The following ACACB variants were observed in gnomAD, a reference collection of about 807,000 sequenced individuals.
ACACB encodes the protein acetyl-CoA carboxylase beta.
ACACB carries 209 observed loss-of-function variants against 278.8 expected under a neutral mutation model. That is an observed-to-expected ratio of 0.75 (90% CI 0.67 to 0.84). ACACB has a LOEUF of 0.84. Ranked by LOEUF, ACACB falls within the 40% of genes least tolerant of loss-of-function variation. The probability of loss-of-function intolerance (pLI) is 0.00; values close to 1 mark genes in which losing one functional copy is unlikely to be tolerated. For synonymous variants in ACACB, 1,174 were observed against 1,285.6 expected (o/e 0.91, Z 1.86); for missense variants, 2,850 against 3,269.0 (o/e 0.87, Z 3.13).
chr12:109,204,599 A>G lies in ACACB; in HGVS notation c.2914-2111A>G, dbSNP rs141898088. Among the ~76,000 whole-genome samples, 960 of 151,896 alleles carry G rather than the reference A, an allele frequency of 6.3e-3. 12 individuals are homozygous for G. The highest frequency in any genetic ancestry group is 0.01 in the Middle Eastern group (3 of 292). ...CTCAATACTAGATCTTATTCATTCT[A>G]TCTAACTGGATTTTTGTACCCGTTA... is the stretch of plus-strand genomic sequence containing the variant. On this transcript the variant is annotated intron_variant, in intron 19 of 52. Coordinates refer to ENST00000338432, the MANE Select transcript of ACACB (RefSeq NM_001093.4).
chr12:109,128,760 T>A lies in ACACB; in HGVS notation c.-9-10637T>A, dbSNP rs1394941810. On this transcript the variant is annotated intron_variant, in intron 1 of 52. Transcript: ENST00000338432. ...AGTACTTTTGTTGCTTTCTTTTTTTTTTTTTTAAAGCAATAATAGATGGAC... is the reference window on the plus strand; with the variant it reads ...AGTACTTTTGTTGCTTTCTTTTTTTATTTTTTAAAGCAATAATAGATGGAC... Among the ~76,000 whole-genome samples the A allele has an allele frequency of 4.6e-5, 7 of 152,130 alleles. No homozygotes were observed. In the South Asian group the frequency reaches 8.3e-4, roughly 18 times the overall value.
At position 109,229,760 on chromosome 12, in the gene ACACB, T is replaced by C. The variant is rs373176830; in HGVS notation, c.4001+2271T>C. On this transcript the variant is annotated intron_variant, in intron 28 of 52. Transcript: ENST00000338432. ...ATTGACCAGGTTGGTCTGGAACTCC[T>C]AACCTCAAATGATCTGTCCACCTCA... Among the ~76,000 whole-genome samples, 23 of 152,190 alleles carry C rather than the reference T, an allele frequency of 1.5e-4. 1 individual carries two copies. In the South Asian group the frequency reaches 4.8e-3, roughly 32 times the overall value.
intron 24 of ACACB, among the ~76,000 whole-genome samples, chr12:109,218,148 T>C (rs541345074): frequency 2.2e-4 from 33 of 152,218 alleles, no homozygotes; most frequent in Non-Finnish European, 3.8e-4. Flanking sequence ...AGAAGAAATA[T>C]GGAGTCTCTG....
In ACACB at chr12:109,265,145, G is replaced by T. The variant is rs1305308454; in HGVS notation, c.6978G>T (p.Leu2326=). Residue 2326 remains leucine, a synonymous_variant, in exon 51 of 53, where the codon CTG becomes CTT. Transcript: ENST00000338432. The stretch of plus-strand genomic sequence containing the variant: ...AGTGGAAGACCGCACGCACCTTCCT[G>T]TATTGGCGTCTGCGCCGCCTCCTCC... ...ILEWKTARTF[L]YWRLRRLLLE... is the part of the protein sequence containing the mutation. 2 of 1,613,530 alleles carry T rather than the reference G, an allele frequency of 1.2e-6. No individual in the cohort carries two copies. The highest frequency in any genetic ancestry group is 3.3e-5 in the Admixed American group (2 of 59,976).
chr12:109,120,734 C>CCCACACACGTGTG (rs1184908157), intron 1 of ACACB, among the ~76,000 whole-genome samples: 1 of 152,156 alleles, frequency 6.6e-6, no homozygotes, highest in African/African-American at 2.4e-5. Flanking sequence ...AGAAAACACA[C>CCCACACACGTGTG]CCACACACGT....
At chr12:109,235,545 G>A in intron 32 of ACACB, 61 bp from the exon 33 acceptor site, 1 of 1,489,826 alleles carries the variant, frequency 6.7e-7, no homozygotes, top group Non-Finnish European at 9.3e-7. Flanking sequence ...AAATAAGGAT[G>A]TACATATTTC....
chr12:109,256,167 T>TGGGAA lies in ACACB; in HGVS notation c.6194_6195insGGGAA (p.Phe2065LeufsTer21). ...CTGAAGGGAACGTGGCAGAGCGGATTCTTTGACCACGGCAGTTTCAAGGAA... is the reference window on the plus strand; with the variant it reads ...CTGAAGGGAACGTGGCAGAGCGGATTGGGAACTTTGACCACGGCAGTTTCAAGGAA... On this transcript the variant is annotated frameshift_variant, in exon 45 of 53. Coordinates refer to ENST00000338432, the MANE Select transcript of ACACB (RefSeq NM_001093.4). LOFTEE classifies it high-confidence loss of function. The TGGGAA allele has an allele frequency of 1.2e-6, 2 of 1,613,920 alleles. No individual in the cohort carries two copies. The highest frequency in any genetic ancestry group is 1.7e-6 in the Non-Finnish European group (2 of 1,179,916).
chr12:109,215,579 C>T (rs956200672), intron 22 of ACACB, among the ~76,000 whole-genome samples: 3 of 152,118 alleles, frequency 2.0e-5, no homozygotes, highest in South Asian at 4.2e-4. Flanking sequence ...CTGGCTAACA[C>T]GGTGAAACCC....
intron 47 of ACACB, 33 bp from the exon 48 acceptor site, chr12:109,260,447 G>A (rs764574060): frequency 1.6e-5 from 26 of 1,613,586 alleles, no homozygotes; most frequent in Non-Finnish European, 2.0e-5. Flanking sequence ...GATGAGTGAG[G>A]GCCCTGAACT....
chr12:109,264,522 TG>T, intron 50 of ACACB, 136 bp downstream of exon 50: 6 of 1,149,394 alleles, frequency 5.2e-6, no homozygotes, highest in Non-Finnish European at 7.4e-6. Context: ...GGGAGTCACC[TG>T]GGAACTTTAA....
intron 12 of ACACB, among the ~76,000 whole-genome samples, chr12:109,187,431 T>TTTTATTTATTTA (rs59491550): frequency 5.1e-4 from 74 of 146,264 alleles, no homozygotes; most frequent in East Asian, 1.6e-3. Context: ...AACTCGCTTA[T>TTTTATTTATTTA]TTTATTTATT....
At chr12:109,213,661 C>T (rs2045911371) in intron 22 of ACACB, among the ~76,000 whole-genome samples, 1 of 152,070 alleles carries the variant, frequency 6.6e-6, no homozygotes. Flanking sequence ...ATGGTTCGAT[C>T]TTGGCTCACT....
chr12:109,184,107 C>T (rs2044571766), intron 11 of ACACB, among the ~76,000 whole-genome samples: 2 of 151,542 alleles, frequency 1.3e-5, no homozygotes, highest in African/African-American at 4.8e-5. Context: ...GGCTGGAGTG[C>T]AGTGGTGCGA....
Position 109,264,246 on chromosome 12 carries a change from T to C in ACACB, c.6802T>C (p.Ser2268Pro). The C allele has an allele frequency of 6.2e-7, 1 of 1,613,854 alleles. No homozygotes were observed. Among genetic ancestry groups the C allele is most frequent in the Non-Finnish European group, 8.5e-7 (1 of 1,180,012 alleles). The change falls in exon 50 of 53, where the codon TCC becomes CCC. Residue 2268 changes from serine (S) to proline (P), a missense_variant. Ser to Pro is a moderately conservative substitution (Grantham distance 74, BLOSUM62 -1). Transcript: ENST00000338432. ...CTCACCTGCAGGGGAACCTGATCTCTCCGACAAGGACCGAAAGGACCTGGA... is the reference window on the plus strand; with the variant it reads ...CTCACCTGCAGGGGAACCTGATCTCCCCGACAAGGACCGAAAGGACCTGGA... ...LMEQLGEPDL[S>P]DKDRKDLEGR...
intron 1 of ACACB, among the ~76,000 whole-genome samples, chr12:109,131,121 A>G (rs779294881): frequency 6.6e-6 from 1 of 152,204 alleles, no homozygotes; most frequent in Non-Finnish European, 1.5e-5. Context: ...CAAGCCCACG[A>G]AGCCCCTGGG....
intron 39 of ACACB, among the ~76,000 whole-genome samples, chr12:109,247,377 A>G (rs1180373947): frequency 5.9e-5 from 9 of 152,190 alleles, no homozygotes; most frequent in Non-Finnish European, 1.3e-4. Context: ...GGTGCTGGCA[A>G]TAAGAAATAA....
chr12:109,187,967 C>T, intron 12 of ACACB, 32 bp from the exon 13 acceptor site: 1 of 1,578,362 alleles, frequency 6.3e-7, no homozygotes, highest in Non-Finnish European at 8.7e-7. Flanking sequence ...GTAATGATTT[C>T]TTCCATTTTG....
intron 40 of ACACB, chr12:109,248,916 T>C (rs2284686): frequency 0.77 from 117,213 of 152,168 alleles, 45,610 homozygotes; most frequent in Middle Eastern, 0.84. Context: ...TGATTGTGAA[T>C]GGGTTTCCTC....
intron 45 of ACACB, 105 bp downstream of exon 45, chr12:109,256,341 C>G: frequency 1.2e-6 from 1 of 860,218 alleles, no homozygotes; most frequent in South Asian, 1.5e-5. Flanking sequence ...TTCTTGGCCT[C>G]AGGATTTTCT....
Sources: allele counts gnomAD v4.1 joint callset (sites outside exome capture counted in the v4.1 genomes callset), GRCh38; gene constraint gnomAD v4.1.1; transcripts MANE v1.5; gene names NCBI Gene and HGNC (gene_info 2026-07-23, HGNC 2026-07-21).